The following CTNNA2 variants were observed in gnomAD, a reference collection of about 807,000 sequenced individuals.
The protein encoded by CTNNA2 is catenin alpha 2, also known as catenin alpha-2.
A neutral mutation model predicts 101.0 loss-of-function variants in CTNNA2; 42 were observed. The ratio of observed to expected loss-of-function variants is 0.42; its 90% CI spans 0.32 to 0.54. The LOEUF (loss-of-function observed/expected upper bound fraction) is 0.54. Among genes scored for constraint, CTNNA2 ranks in the 20% least tolerant of loss-of-function variants. The pLI, the probability that CTNNA2 is intolerant of heterozygous loss-of-function variation, is 0.14. For synonymous variants in CTNNA2, 450 were observed against 456.4 expected, an observed-to-expected ratio of 0.99 and a Z score of 0.18; for missense variants, 871 against 1,223.1, an observed-to-expected ratio of 0.71 and a Z score of 4.29.
At chr2:80,490,288 C>T (rs544654058) in intron 9 of CTNNA2, among the ~76,000 whole-genome samples, 15 of 97,910 alleles carry the variant, frequency 1.5e-4, no homozygotes, top group South Asian at 1.3e-3. Flanking sequence ...CCACCCCCCC[C>T]CCGGTAAAGC....
At chr2:80,075,576 AT>A (rs1698634766) in intron 7 of CTNNA2, among the ~76,000 whole-genome samples, 1 of 95,294 alleles carries the variant, frequency 1.0e-5, no homozygotes, top group African/African-American at 3.6e-5. Flanking sequence ...TTATAAAATA[AT>A]ATTTATACAT....
intron 4 of CTNNA2, among the ~76,000 whole-genome samples, chr2:79,437,772 T>C (rs912736188): frequency 6.6e-6 from 1 of 152,222 alleles, no homozygotes. Flanking sequence ...TTTTTCATCC[T>C]GGCAATTAAA....
At chr2:80,080,948 TAAAAAAAAAAA>T (rs79785271) in intron 7 of CTNNA2, among the ~76,000 whole-genome samples, 1 of 87,562 alleles carries the variant, frequency 1.1e-5, no homozygotes, top group African/African-American at 4.7e-5. Flanking sequence ...TTCTCCCACT[TAAAAAAAAAAA>T]AAAAAAAAAA....
At chr2:79,757,263 T>TA (rs5832402) in intron 3 of CTNNA2, among the ~76,000 whole-genome samples, 2 of 151,898 alleles carry the variant, frequency 1.3e-5, no homozygotes, top group African/African-American at 2.4e-5. Flanking sequence ...AGCATAATAA[T>TA]AAAAAAACCA....
chr2:80,084,723 T>C (rs958416582), intron 7 of CTNNA2, among the ~76,000 whole-genome samples: 9 of 152,242 alleles, frequency 5.9e-5, no homozygotes, highest in African/African-American at 2.2e-4. Flanking sequence ...TTATGGTTTA[T>C]TTTACTTACT....
At chr2:79,578,671 A>G (rs961161241) in intron 1 of CTNNA2, among the ~76,000 whole-genome samples, 1 of 152,024 alleles carries the variant, frequency 6.6e-6, no homozygotes, top group Non-Finnish European at 1.5e-5. Context: ...TCTGCCTTAC[A>G]TTGGCTTTCT....
chr2:80,072,868 G>A (rs1290144992), intron 7 of CTNNA2, among the ~76,000 whole-genome samples: 1 of 152,130 alleles, frequency 6.6e-6, no homozygotes, highest in African/African-American at 2.4e-5. Flanking sequence ...GGGAAAACGA[G>A]GGATGTTCCA....
intron 7 of CTNNA2, among the ~76,000 whole-genome samples, chr2:79,912,763 T>C (rs1173730687): frequency 6.6e-6 from 1 of 152,196 alleles, no homozygotes; most frequent in Non-Finnish European, 1.5e-5. Flanking sequence ...GCGCGGCCTA[T>C]AGATGTTAAT....
intron 1 of CTNNA2, among the ~76,000 whole-genome samples, chr2:79,614,273 T>C (rs1226166436): frequency 1.3e-5 from 2 of 152,112 alleles, no homozygotes; most frequent in Admixed American, 6.5e-5. Context: ...AATAAGAAAA[T>C]AACTAGGAAT....
At chr2:80,002,728 C>A (rs1387934726) in intron 7 of CTNNA2, among the ~76,000 whole-genome samples, 3 of 152,030 alleles carry the variant, frequency 2.0e-5, no homozygotes, top group Admixed American at 1.3e-4. Flanking sequence ...CTCCTCCACC[C>A]CCTGATCAAT....
chr2:79,692,023 G>C (rs748089372), intron 2 of CTNNA2, among the ~76,000 whole-genome samples: 5 of 152,152 alleles, frequency 3.3e-5, no homozygotes, highest in Non-Finnish European at 5.9e-5. Flanking sequence ...ATTGACAAAT[G>C]GGATCTAATT....
At chr2:79,683,696 C>T (rs1683739943) in intron 2 of CTNNA2, among the ~76,000 whole-genome samples, 1 of 152,002 alleles carries the variant, frequency 6.6e-6, no homozygotes, top group African/African-American at 2.4e-5. Flanking sequence ...CTGTCATTGT[C>T]AATTTTTTGA....
At chr2:80,385,351 C>T (rs1378596127) in intron 7 of CTNNA2, among the ~76,000 whole-genome samples, 3 of 152,032 alleles carry the variant, frequency 2.0e-5, no homozygotes, top group Admixed American at 6.5e-5. Context: ...CCCCAGAGGA[C>T]TCCCTTGCCC....
chr2:79,513,473 C>A (rs1232231199), intron 1 of CTNNA2, among the ~76,000 whole-genome samples: 1 of 152,184 alleles, frequency 6.6e-6, no homozygotes, highest in Non-Finnish European at 1.5e-5. Context: ...GCTCTGCATC[C>A]CTTTCCTCTT....
intron 7 of CTNNA2, among the ~76,000 whole-genome samples, chr2:80,269,913 G>A (rs761979367): frequency 1.3e-5 from 2 of 151,946 alleles, no homozygotes; most frequent in African/African-American, 2.4e-5. Flanking sequence ...TGTTATGAGC[G>A]CCATTTGAGA....
intron 9 of CTNNA2, among the ~76,000 whole-genome samples, chr2:80,437,199 T>C (rs1682118101): frequency 6.6e-6 from 1 of 152,146 alleles, no homozygotes; most frequent in South Asian, 2.1e-4. Context: ...CTGTCGTTGA[T>C]AAATTACCCA....
rs1687503876 is a variant in CTNNA2, at chr2:79,932,306, A to G, written c.1056+22509A>G. On this transcript the variant is annotated intron_variant, in intron 7 of 18. Transcript: ENST00000402739. ...AGAATGATGAGAGGAAAGAGAAGAA[A>G]CAGATAAAAGGGAAAGAGGAGCAGG... Among the ~76,000 whole-genome samples the G allele has an allele frequency of 2.0e-5, 3 of 152,202 alleles. No homozygotes were observed. The South Asian group carries it at 6.2e-4, about 32-fold the overall frequency.
At chr2:79,885,374 C>CTT (rs1437107278) in intron 6 of CTNNA2, among the ~76,000 whole-genome samples, 1 of 152,152 alleles carries the variant, frequency 6.6e-6, no homozygotes, top group Non-Finnish European at 1.5e-5. Flanking sequence ...CAGACAGATA[C>CTT]TGCTGTGTAA....
intron 2 of CTNNA2, among the ~76,000 whole-genome samples, chr2:79,652,335 C>T (rs910595123): frequency 1.6e-4 from 24 of 151,554 alleles, no homozygotes; most frequent in African/African-American, 5.6e-4. Flanking sequence ...TGAAGCAGCA[C>T]AAATTTATTA....
Sources: gnomAD v4.1 joint callset for allele counts (sites outside exome capture counted in the v4.1 genomes callset) on GRCh38, gnomAD v4.1.1 for gene constraint, MANE v1.5 for transcripts, NCBI Gene and HGNC (gene_info 2026-07-23, HGNC 2026-07-21) for gene names.